Variants in LRRC74A observed in about 807,000 individuals in gnomAD.
LRRC74A encodes leucine-rich repeat-containing protein 74A.
LRRC74A carries 44 observed loss-of-function variants against 57.9 expected under a neutral mutation model. The observed-to-expected ratio is 0.76, with a 90% CI of 0.60 to 0.98. LRRC74A has a LOEUF of 0.98. LRRC74A is among the 50% of genes least tolerant of loss of function. LRRC74A has a pLI of 0.00. For synonymous variants in LRRC74A, 211 were observed against 219.4 expected, an observed-to-expected ratio of 0.96 and a Z score of 0.34; for missense variants, 572 against 574.0, an observed-to-expected ratio of 1.00 and a Z score of 0.04.
At chr14:76,836,134 C>T (rs1896313525) in intron 3 of LRRC74A, 73 bp from the exon 4 acceptor site, 13 of 1,110,354 alleles carry the variant, frequency 1.2e-5, no homozygotes, top group Non-Finnish European at 1.7e-5. Context: ...ATGGCTGGCC[C>T]AGGGCGAGCA....
chr14:76,861,322 A>G (rs1030626970), intron 11 of LRRC74A, among the ~76,000 whole-genome samples: 1 of 152,250 alleles, frequency 6.6e-6, no homozygotes, highest in African/African-American at 2.4e-5. Flanking sequence ...ACTGCTGGTA[A>G]GGATATCAAG....
chr14:76,832,377 G>A (rs1469826433), intron 3 of LRRC74A, among the ~76,000 whole-genome samples: 1 of 152,206 alleles, frequency 6.6e-6, no homozygotes, highest in East Asian at 1.9e-4. Flanking sequence ...GCATGATCAT[G>A]GCTCACTGCA....
chr14:76,861,922 A>G (rs1162489118), intron 11 of LRRC74A, among the ~76,000 whole-genome samples: 1 of 152,224 alleles, frequency 6.6e-6, no homozygotes, highest in African/African-American at 2.4e-5. Flanking sequence ...TTCTAGAACT[A>G]AATAAAAGAG....
intron 1 of LRRC74A, among the ~76,000 whole-genome samples, chr14:76,827,967 C>A (rs1476428217): frequency 1.3e-5 from 2 of 152,180 alleles, no homozygotes; most frequent in African/African-American, 4.8e-5. Flanking sequence ...ACCCCAAAAC[C>A]CACCCAAACA....
chr14:76,848,286 AT>A (rs1172485140), intron 7 of LRRC74A, among the ~76,000 whole-genome samples: 2 of 148,158 alleles, frequency 1.3e-5, no homozygotes, highest in Admixed American at 6.9e-5. Context: ...TGATAAAAAA[AT>A]AAAATAAAAT....
rs1162296531 is a variant in LRRC74A, at chr14:76,852,371, A to G, written c.683A>G (p.Asn228Ser). The part of the protein sequence containing the change: ...GEHLGQMLAI[N>S]VGLTSLDLSW... ...GATTCCCTCCCTGTTTCAGCCATCA[A>G]CGTGGGGCTCACGTCACTGGATCTG... Residue 228 changes from asparagine to serine, a missense_variant, in exon 8 of 14, where the codon AAC (asparagine) becomes AGC (serine). Transcript: ENST00000689127. 5 of 1,610,144 alleles carry G rather than the reference A, an allele frequency of 3.1e-6. No homozygotes were observed. The highest frequency in any genetic ancestry group is 1.1e-5 in the South Asian group (1 of 90,456).
chr14:76,857,715 G>T (rs1265315493), intron 10 of LRRC74A, among the ~76,000 whole-genome samples: 3 of 152,190 alleles, frequency 2.0e-5, no homozygotes, highest in Non-Finnish European at 2.9e-5. Context: ...AGAAACTAGG[G>T]CTATGAAAAC....
At chr14:76,837,169 C>T (rs1295381210) in intron 4 of LRRC74A, among the ~76,000 whole-genome samples, 2 of 152,072 alleles carry the variant, frequency 1.3e-5, no homozygotes, top group African/African-American at 4.8e-5. Flanking sequence ...TGTAGCTCTG[C>T]ATAGTTGCCT....
rs1007150319 is a variant in LRRC74A at position 76,844,293 on chromosome 14, G to A, written c.545-130G>A. 1.4e-5 allele frequency: 11 copies of A among 814,296 alleles called. No homozygotes were observed. The Admixed American group carries it at 1.8e-4, about 13-fold the overall frequency. The allele number at this position is 814,296 out of a possible 1,614,324, so 50.4% of individuals were successfully genotyped here. A position where few individuals can be genotyped will look rare whatever the true frequency, so the allele number is the denominator to read the frequency against. On this transcript the variant is annotated intron_variant, in intron 5 of 13. Coordinates refer to ENST00000689127, the MANE Select transcript of LRRC74A (RefSeq NM_001385106.1). ...GCTGGGATTACAGGCGTAAGCCAAT[G>A]CGTCTGGCCCCTACCACCTTTTTTC...
chr14:76,852,051 C>T (rs193118091), intron 7 of LRRC74A, among the ~76,000 whole-genome samples: 1 of 152,292 alleles, frequency 6.6e-6, no homozygotes, highest in Non-Finnish European at 1.5e-5. Flanking sequence ...TAGGTAGAGT[C>T]TCAGAGGTGA....
chr14:76,831,451 G>A (rs1017941859), intron 3 of LRRC74A, 76 bp downstream of exon 3: 2 of 1,520,542 alleles, frequency 1.3e-6, no homozygotes, highest in Non-Finnish European at 1.8e-6. Flanking sequence ...AAGATTCAGA[G>A]GGCCCCTCCT....
intron 7 of LRRC74A, among the ~76,000 whole-genome samples, chr14:76,848,083 G>C (rs1897221233): frequency 6.7e-6 from 1 of 149,290 alleles, no homozygotes; most frequent in Non-Finnish European, 1.5e-5. Context: ...TGAGGCACAA[G>C]AACCGTTTGA....
At chr14:76,831,976 A>G (rs1428465615) in intron 3 of LRRC74A, among the ~76,000 whole-genome samples, 1 of 152,248 alleles carries the variant, frequency 6.6e-6, no homozygotes, top group Non-Finnish European at 1.5e-5. Flanking sequence ...AGAAAAACAG[A>G]AAACCTAACA....
intron 7 of LRRC74A, among the ~76,000 whole-genome samples, chr14:76,848,414 C>G (rs1269627074): frequency 6.9e-6 from 1 of 144,692 alleles, no homozygotes; most frequent in African/African-American, 2.6e-5. Flanking sequence ...AAAAAAAAAT[C>G]AAAAACTAGC....
intron 7 of LRRC74A, among the ~76,000 whole-genome samples, chr14:76,848,197 T>A (rs985951513): frequency 6.6e-6 from 1 of 151,716 alleles, no homozygotes; most frequent in African/African-American, 2.4e-5. Flanking sequence ...AGTTAATGGG[T>A]GCAGCACACC....
intron 3 of LRRC74A, among the ~76,000 whole-genome samples, chr14:76,835,203 T>C (rs1380585413): frequency 1.3e-5 from 2 of 151,992 alleles, no homozygotes; most frequent in East Asian, 1.9e-4. Flanking sequence ...CTCATAGAAA[T>C]GCAGACTAGT....
At chr14:76,836,110 C>G (rs527796594) in intron 3 of LRRC74A, 97 bp from the exon 4 acceptor site, 1 of 858,800 alleles carries the variant, frequency 1.2e-6, no homozygotes, top group South Asian at 1.6e-5. Context: ...GCCTGCATCT[C>G]CACGCCCATT....
intron 7 of LRRC74A, among the ~76,000 whole-genome samples, chr14:76,850,375 CA>C (rs1465549006): frequency 1.3e-5 from 2 of 151,632 alleles, no homozygotes; most frequent in Non-Finnish European, 2.9e-5. Flanking sequence ...TGCAGGTGTG[CA>C]AGGTGTAGCT....
chr14:76,866,713 C>T (rs1298399199), intron 12 of LRRC74A, among the ~76,000 whole-genome samples: 2 of 151,892 alleles, frequency 1.3e-5, no homozygotes, highest in Admixed American at 1.3e-4. Flanking sequence ...AAGGAGAGTC[C>T]TGTTCCCTCC....
Sources: allele counts gnomAD v4.1 joint callset (sites outside exome capture counted in the v4.1 genomes callset), GRCh38; gene constraint gnomAD v4.1.1; transcripts MANE v1.5; gene names NCBI Gene and HGNC (gene_info 2026-07-23, HGNC 2026-07-21).